The following PIP4K2A variants were observed in gnomAD, a reference collection of about 807,000 sequenced individuals.
PIP4K2A encodes the protein phosphatidylinositol 5-phosphate 4-kinase type-2 alpha.
A neutral mutation model predicts 42.9 loss-of-function variants in PIP4K2A; 14 were observed. The observed-to-expected ratio is 0.33, with a 90% confidence interval of 0.22 to 0.51. The LOEUF (loss-of-function observed/expected upper bound fraction) is 0.51. Among genes scored for constraint, PIP4K2A ranks in the 20% least tolerant of loss-of-function variants. The pLI, the probability that PIP4K2A is intolerant of heterozygous loss-of-function variation, is 0.97. For missense variants in PIP4K2A, 434 were observed against 519.8 expected (o/e 0.83, Z 1.61); for synonymous variants, 192 against 192.2 (o/e 1.00, Z 0.01).
intron 4 of PIP4K2A, among the ~76,000 whole-genome samples, chr10:22,576,483 T>C (rs1301584010): frequency 6.6e-6 from 1 of 152,104 alleles, no homozygotes; most frequent in African/African-American, 2.4e-5. Context: ...AGGGAGACTG[T>C]AGATTTACAG....
intron 1 of PIP4K2A, among the ~76,000 whole-genome samples, chr10:22,624,063 A>T (rs1004168352): frequency 1.4e-4 from 21 of 152,228 alleles, no homozygotes; most frequent in Non-Finnish European, 2.9e-4. Context: ...AGCTATCAAA[A>T]TGCGCAAGTC....
At position 22,714,428 on chromosome 10, in the gene PIP4K2A, C is replaced by A; in HGVS notation, c.-102G>T. On this transcript the variant is annotated 5_prime_UTR_variant, in exon 1 of 10. Coordinates refer to ENST00000376573, the MANE Select transcript of PIP4K2A (RefSeq NM_005028.5). ...GGCAGCCGCATCCCCCCGGCGGCGG[C>A]CCCGGCGCGCCGCGCTCCGCTCCGC... The A allele has an allele frequency of 1.3e-6, 1 of 761,006 alleles. No homozygotes were observed. Among genetic ancestry groups the A allele is most frequent in the East Asian group, 8.5e-5 (1 of 11,832 alleles). The allele number at this position is 761,006 out of a possible 1,614,324, so 47.1% of individuals were successfully genotyped here.
rs749261030 is a variant in PIP4K2A, at chr10:22,541,906, T to C, written c.934A>G (p.Thr312Ala). Residue 312 changes from threonine (T) to alanine (A), a missense_variant, in exon 8 of 10, where the codon ACC becomes GCC. Physicochemically the swap from Thr to Ala is moderately conservative, Grantham distance 58 (BLOSUM62 0). Around this residue, in one of 2 missense-constraint regions of PIP4K2A, gnomAD observed 395 missense variants for 444.5 expected, o/e 0.89. Coordinates refer to ENST00000376573, the MANE Select transcript of PIP4K2A (RefSeq NM_005028.5). Reference protein sequence around the residue: ...GESDGTHPVGTPPDSPGNTLN... With the variant: ...GESDGTHPVGAPPDSPGNTLN... ...GTATTCCCGGGGCTATCTGGGGGGG[T>C]TCCCACCGGGTGGGTGCCATCGCTC... The C allele has an allele frequency of 6.2e-7, 1 of 1,613,280 alleles. No homozygotes were observed. Among genetic ancestry groups the C allele is most frequent in the Non-Finnish European group, 8.5e-7 (1 of 1,179,766 alleles).
intron 1 of PIP4K2A, among the ~76,000 whole-genome samples, chr10:22,631,278 A>G (rs2130770932): frequency 6.6e-6 from 1 of 152,220 alleles, no homozygotes; most frequent in Non-Finnish European, 1.5e-5. Flanking sequence ...CTCGAGTGTG[A>G]CTTTGTTTGG....
chr10:22,712,461 A>T (rs140168038), intron 1 of PIP4K2A, among the ~76,000 whole-genome samples: 30 of 152,316 alleles, frequency 2.0e-4, no homozygotes, highest in African/African-American at 6.7e-4. Flanking sequence ...AAAGCACCAT[A>T]AATATGAGTA....
At chr10:22,638,663 G>T (rs1838718127) in intron 1 of PIP4K2A, among the ~76,000 whole-genome samples, 1 of 152,078 alleles carries the variant, frequency 6.6e-6, no homozygotes, top group Non-Finnish European at 1.5e-5. Flanking sequence ...ATTTTTGAAG[G>T]GGGAGGGAAA....
chr10:22,623,715 C>T (rs559441592), intron 1 of PIP4K2A, among the ~76,000 whole-genome samples: 3 of 152,302 alleles, frequency 2.0e-5, no homozygotes, highest in East Asian at 1.9e-4. Flanking sequence ...CTGGCTTTAA[C>T]TAAGCTAAAG....
chr10:22,672,145 A>T (rs899143766), intron 1 of PIP4K2A, among the ~76,000 whole-genome samples: 1 of 152,188 alleles, frequency 6.6e-6, no homozygotes, highest in African/African-American at 2.4e-5. Flanking sequence ...TACAATAGGC[A>T]GTTATTGTTA....
chr10:22,550,370 G>A (rs1398764187), intron 7 of PIP4K2A, among the ~76,000 whole-genome samples: 1 of 152,188 alleles, frequency 6.6e-6, no homozygotes, highest in Non-Finnish European at 1.5e-5. Context: ...CAGTCTTCAT[G>A]GGCCATCCCA....
chr10:22,650,533 ACT>A (rs960571923), intron 1 of PIP4K2A, among the ~76,000 whole-genome samples: 1 of 152,112 alleles, frequency 6.6e-6, no homozygotes, highest in Admixed American at 6.5e-5. Context: ...AATACAGAGC[ACT>A]CTATACACAA....
chr10:22,539,890 A>G lies in PIP4K2A; in HGVS notation c.1140+81T>C, dbSNP rs1004998646. ...ACAGGTCACACAGAGGAGCCAGGAG[A>G]GAGAGAGAGAGAGAGAGAGAGGGAG... On this transcript the variant is annotated intron_variant, in intron 9 of 9. Coordinates refer to ENST00000376573, the MANE Select transcript of PIP4K2A (RefSeq NM_005028.5). The G allele has an allele frequency of 9.4e-5, 60 of 638,578 alleles. No homozygotes were observed. In the African/African-American group the frequency reaches 1.6e-3, roughly 17 times the overall value. The allele number at this position is 638,578 out of a possible 1,614,324, so 39.6% of individuals were successfully genotyped here.
intron 7 of PIP4K2A, among the ~76,000 whole-genome samples, chr10:22,543,029 C>CTGAT (rs765933728): frequency 6.6e-6 from 1 of 152,168 alleles, no homozygotes. Flanking sequence ...CTGGGCTATG[C>CTGAT]TGATAGAATT....
chr10:22,695,560 AT>A (rs1839952745), intron 1 of PIP4K2A, among the ~76,000 whole-genome samples: 1 of 152,190 alleles, frequency 6.6e-6, no homozygotes, highest in African/African-American at 2.4e-5. Flanking sequence ...TGAAGAGAAT[AT>A]TTTATTTCAC....
At chr10:22,599,613 G>A (rs750444274) in intron 3 of PIP4K2A, among the ~76,000 whole-genome samples, 15 of 152,236 alleles carry the variant, frequency 9.9e-5, no homozygotes, top group Non-Finnish European at 2.1e-4. Flanking sequence ...TAGGGAGCTA[G>A]AGAAAAACGA....
At chr10:22,674,415 CAAAAA>C (rs1002492534) in intron 1 of PIP4K2A, among the ~76,000 whole-genome samples, 2 of 61,130 alleles carry the variant, frequency 3.3e-5, no homozygotes, top group East Asian at 5.3e-4. Context: ...CACTTGGGAG[CAAAAA>C]AAAAAAAAAA....
chr10:22,580,211 G>C (rs934629573), intron 4 of PIP4K2A, among the ~76,000 whole-genome samples: 1 of 151,960 alleles, frequency 6.6e-6, no homozygotes, highest in South Asian at 2.1e-4. Flanking sequence ...TATTTATAAA[G>C]TGAGATTAGT....
intron 7 of PIP4K2A, 117 bp downstream of exon 7, chr10:22,550,542 G>C: frequency 1.4e-6 from 1 of 717,882 alleles, no homozygotes; most frequent in Non-Finnish European, 2.5e-6. Flanking sequence ...CCCTAAGGTA[G>C]AGTATGCAGG....
intron 1 of PIP4K2A, among the ~76,000 whole-genome samples, chr10:22,642,564 CTGTA>C (rs1395081142): frequency 8.0e-6 from 1 of 125,018 alleles, no homozygotes; most frequent in Non-Finnish European, 1.7e-5. Context: ...TCATGTGTGT[CTGTA>C]TGTATATTTA....
chr10:22,558,026 TTTTG>T (rs967854587), intron 6 of PIP4K2A, among the ~76,000 whole-genome samples: 1 of 152,356 alleles, frequency 6.6e-6, no homozygotes, highest in African/African-American at 2.4e-5. Flanking sequence ...GGAATGAATT[TTTTG>T]TTTGATATGC....
Sources: allele counts gnomAD v4.1 joint callset (sites outside exome capture counted in the v4.1 genomes callset), GRCh38; gene constraint gnomAD v4.1.1; regional missense constraint gnomAD v4.1.1; transcripts MANE v1.5; gene names NCBI Gene and HGNC (gene_info 2026-07-23, HGNC 2026-07-21).